Variants in BACH2 observed in about 807,000 individuals in gnomAD.
BACH2 encodes the protein BACH transcriptional regulator 2, also known as transcription regulator protein BACH2.
Under a neutral mutation model 61.8 loss-of-function variants are expected in BACH2, and 5 were observed. That is an observed-to-expected ratio of 0.08 (90% CI 0.04 to 0.17). The LOEUF (loss-of-function observed/expected upper bound fraction) is 0.17, where lower values mean the gene tolerates loss of function less well. BACH2 is among the 10% of genes least tolerant of loss of function. The pLI is 1.00. For missense variants in BACH2, 824 were observed against 1,091.1 expected, an observed-to-expected ratio of 0.76 and a Z score of 3.45; for synonymous variants, 446 against 440.1, an observed-to-expected ratio of 1.01 and a Z score of -0.17.
At chr6:90,282,230 A>T (rs1180057850) in intron 1 of BACH2, among the ~76,000 whole-genome samples, 2 of 152,170 alleles carry the variant, frequency 1.3e-5, no homozygotes, top group Non-Finnish European at 2.9e-5. Context: ...TGTGTCATGG[A>T]GGTATGCTAT....
intron 8 of BACH2, 44 bp from the exon 9 acceptor site, chr6:89,932,934 C>T (rs759888631): frequency 2.6e-5 from 40 of 1,519,502 alleles, no homozygotes; most frequent in Non-Finnish European, 3.4e-5. Context: ...CAAGCCTGAA[C>T]TGGAGGACAG....
chr6:90,083,406 C>G (rs1781802967), intron 5 of BACH2, among the ~76,000 whole-genome samples: 1 of 152,110 alleles, frequency 6.6e-6, no homozygotes, highest in Admixed American at 6.6e-5. Context: ...TAACATCACT[C>G]CTCTCTGTAC....
rs183013909 is a variant in BACH2 at position 90,213,912 on chromosome 6, G to A, written c.-274-7231C>T. On this transcript the variant is annotated intron_variant, in intron 3 of 8. Coordinates refer to ENST00000257749, the MANE Select transcript of BACH2 (RefSeq NM_021813.4). ...AATATTCATATCTACTTCTCGCTTG[G>A]TCAGAATATTTTGAAATTAAACTTT... Among the ~76,000 whole-genome samples, 215 of 152,038 alleles carry A rather than the reference G, an allele frequency of 1.4e-3. 4 individuals carry two copies. The highest frequency in any genetic ancestry group is 0.011 in the Admixed American group (165 of 15,276).
At chr6:90,087,581 AGTTAGGCAACGGGCCT>A (rs1354843634) in intron 5 of BACH2, among the ~76,000 whole-genome samples, 4 of 152,208 alleles carry the variant, frequency 2.6e-5, no homozygotes, top group Non-Finnish European at 5.9e-5. Context: ...TGTCCTCAGC[AGTTAGGCAACGGGCCT>A]GTTCGAAAGC....
chr6:90,107,861 A>G (rs1018835773), intron 4 of BACH2, among the ~76,000 whole-genome samples: 4 of 152,150 alleles, frequency 2.6e-5, no homozygotes, highest in Non-Finnish European at 2.9e-5. Context: ...GGAACTGTAC[A>G]AGGCTTACAA....
At chr6:89,999,081 TG>T (rs1290565049) in intron 6 of BACH2, among the ~76,000 whole-genome samples, 1 of 152,236 alleles carries the variant, frequency 6.6e-6, no homozygotes, top group East Asian at 1.9e-4. Flanking sequence ...GTGGAAACTG[TG>T]TTTTCTTGTA....
At chr6:90,064,453 C>A (rs527594625) in intron 5 of BACH2, among the ~76,000 whole-genome samples, 1 of 152,150 alleles carries the variant, frequency 6.6e-6, no homozygotes, top group Non-Finnish European at 1.5e-5. Flanking sequence ...AGCATGGGGA[C>A]CATGATGGGC....
chr6:90,014,547 C>T (rs1408173664), intron 5 of BACH2, among the ~76,000 whole-genome samples: 2 of 135,546 alleles, frequency 1.5e-5, no homozygotes, highest in Non-Finnish European at 3.1e-5. Context: ...AATCTTGGCT[C>T]ACTGCAAACT....
intron 1 of BACH2, among the ~76,000 whole-genome samples, chr6:90,279,522 C>A (rs1207336040): frequency 3.7e-3 from 464 of 124,042 alleles, no homozygotes; most frequent in Middle Eastern, 8.8e-3. Context: ...GACTCCGTCT[C>A]AAAAAAAAAA....
chr6:89,939,890 T>C (rs1169060563), intron 7 of BACH2, among the ~76,000 whole-genome samples: 1 of 144,924 alleles, frequency 6.9e-6, no homozygotes, highest in Non-Finnish European at 1.5e-5. Context: ...AAAAAAGAGA[T>C]GAAGTCTCAC....
intron 5 of BACH2, among the ~76,000 whole-genome samples, chr6:90,038,644 C>G (rs1229891787): frequency 1.3e-5 from 2 of 152,180 alleles, no homozygotes; most frequent in Non-Finnish European, 2.9e-5. Context: ...TTTCTAGAGG[C>G]CACGAGTGTC....
intron 5 of BACH2, among the ~76,000 whole-genome samples, chr6:90,022,848 C>CTTCCAT (rs1778448221): frequency 6.6e-6 from 1 of 152,006 alleles, no homozygotes; most frequent in Non-Finnish European, 1.5e-5. Context: ...AGATTATGAC[C>CTTCCAT]GAATAATTCC....
chr6:90,095,478 T>G (rs1448228490), intron 4 of BACH2, among the ~76,000 whole-genome samples: 2 of 152,174 alleles, frequency 1.3e-5, no homozygotes, highest in African/African-American at 4.8e-5. Context: ...CTTCAACATT[T>G]CAGGTTCTGG....
intron 5 of BACH2, among the ~76,000 whole-genome samples, chr6:90,024,619 T>C (rs1219033697): frequency 6.6e-6 from 1 of 152,172 alleles, no homozygotes; most frequent in African/African-American, 2.4e-5. Flanking sequence ...TTTAGGAAAA[T>C]CCTGAAACAT....
At chr6:90,177,367 C>T (rs1049916413) in intron 4 of BACH2, among the ~76,000 whole-genome samples, 2 of 152,166 alleles carry the variant, frequency 1.3e-5, no homozygotes, top group African/African-American at 4.8e-5. Flanking sequence ...TATTGAGCAC[C>T]TACCGTACAG....
chr6:90,026,957 G>A (rs1778667455), intron 5 of BACH2, among the ~76,000 whole-genome samples: 1 of 152,184 alleles, frequency 6.6e-6, no homozygotes, highest in Non-Finnish European at 1.5e-5. Flanking sequence ...AAGGCAGGCA[G>A]CATCTAATGG....
In BACH2 at chr6:89,950,592, T is replaced by C. The variant is rs199934978; in HGVS notation, c.1514A>G (p.Lys505Arg). Reference protein sequence around the residue: ...RPNTSCPVPIKVCPRSPPLET... With the variant: ...RPNTSCPVPIRVCPRSPPLET... Reference sequence around the variant, plus strand: ...CAAGGGGGGTGAGCGAGGGCAGACTTTGATTGGTACCGGGCAGCTGGTGTT... The same window carrying C: ...CAAGGGGGGTGAGCGAGGGCAGACTCTGATTGGTACCGGGCAGCTGGTGTT... Residue 505 changes from lysine to arginine, a missense_variant, in exon 7 of 9, where the codon AAA becomes AGA. Around this residue, in one of 8 missense-constraint regions of BACH2, gnomAD observed 102 missense variants for 98.1 expected, o/e 1.04. Transcript: ENST00000257749. The surrounding 1 kb of genome is among the most constrained non-coding windows in gnomAD (Gnocchi z 5.3). 1.6e-4 allele frequency: 256 copies of C among 1,612,262 alleles called. 1 individual carries two copies. The highest frequency in any genetic ancestry group is 3.3e-4 in the Middle Eastern group (2 of 6,074).
rs938577223 is a variant in BACH2 at position 90,197,159 on chromosome 6, C to T, written c.-162+9410G>A. Among the ~76,000 whole-genome samples the T allele has an allele frequency of 7.2e-5, 11 of 151,950 alleles. No individual in the cohort carries two copies. In the East Asian group the frequency reaches 7.7e-4, roughly 11 times the overall value. On this transcript the variant is annotated intron_variant, in intron 4 of 8. Coordinates refer to ENST00000257749, the MANE Select transcript of BACH2 (RefSeq NM_021813.4). ...AGAAAATACTGCTAGGCTTATTTTACGAAGACAAAGGACAATAGGAAGCTG... is the reference window on the plus strand; with the variant it reads ...AGAAAATACTGCTAGGCTTATTTTATGAAGACAAAGGACAATAGGAAGCTG...
intron 4 of BACH2, among the ~76,000 whole-genome samples, chr6:90,149,162 G>A (rs1381629561): frequency 2.0e-5 from 3 of 152,174 alleles, no homozygotes; most frequent in Non-Finnish European, 4.4e-5. Flanking sequence ...CCAAGGTGAT[G>A]CTGGGCTTGG....
Sources: allele counts gnomAD v4.1 joint callset (sites outside exome capture counted in the v4.1 genomes callset), GRCh38; gene constraint gnomAD v4.1.1; regional missense constraint gnomAD v4.1.1; non-coding constraint Gnocchi (gnomAD v3.1); transcripts MANE v1.5; gene names NCBI Gene and HGNC (gene_info 2026-07-23, HGNC 2026-07-21).